Variants in EVL observed in about 807,000 individuals in gnomAD.
The protein encoded by EVL is ena/VASP-like protein.
A neutral mutation model predicts 59.6 loss-of-function variants in EVL; 21 were observed. The ratio of observed to expected loss-of-function variants is 0.35; its 90% CI spans 0.25 to 0.51. EVL has a LOEUF of 0.51. Among genes scored for constraint, EVL ranks in the 20% least tolerant of loss-of-function variants. The pLI, the probability that EVL is intolerant of heterozygous loss-of-function variation, is 0.97. For missense variants in EVL, 462 were observed against 546.6 expected, an observed-to-expected ratio of 0.85 and a Z score of 1.54; for synonymous variants, 198 against 203.5, an observed-to-expected ratio of 0.97 and a Z score of 0.23.
At chr14:100,067,483 C>T (rs1343927371) in intron 1 of EVL, among the ~76,000 whole-genome samples, 2 of 152,050 alleles carry the variant, frequency 1.3e-5, no homozygotes, top group Admixed American at 6.6e-5. Flanking sequence ...TGTTGTGGGG[C>T]GTTTTTGTTT....
chr14:100,065,037 G>A (rs927163907), upstream of EVL, among the ~76,000 whole-genome samples: 1 of 152,230 alleles, frequency 6.6e-6, no homozygotes, highest in Non-Finnish European at 1.5e-5. Context: ...GAAGTCATCT[G>A]TGCTGAGCCT....
At chr14:99,985,895 T>G (rs1301631245) in intron 1 of EVL, among the ~76,000 whole-genome samples, 7 of 152,154 alleles carry the variant, frequency 4.6e-5, no homozygotes, top group Non-Finnish European at 8.8e-5. Context: ...ATCTCTAACT[T>G]CGGCTTGAAT....
rs766351309 is a variant in EVL, at chr14:100,123,590, A to T, written c.410A>T (p.Asp137Val). 5.5e-5 allele frequency: 89 copies of T among 1,613,930 alleles called. No individual in the cohort carries two copies. The highest frequency in any genetic ancestry group is 7.2e-5 in the Non-Finnish European group (85 of 1,179,996). The change falls in exon 4 of 14, where the codon GAC becomes GTC. Residue 137 changes from aspartate to valine, a missense_variant. By Grantham distance (152) the Asp-to-Val change is radical (BLOSUM62 -3). Transcript: ENST00000392920. Reference sequence around the variant, plus strand: ...AATGGCCCCTCTCCTGATGAGATGGACATCCAGAGAAGGTAACCCAGCACC... The same window carrying T: ...AATGGCCCCTCTCCTGATGAGATGGTCATCCAGAGAAGGTAACCCAGCACC... ...VQNGPSPDEM[D>V]IQRRQVMEQH...
chr14:100,128,114 A>G (rs567858089), intron 5 of EVL, among the ~76,000 whole-genome samples: 1 of 152,344 alleles, frequency 6.6e-6, no homozygotes, highest in South Asian at 2.1e-4. Flanking sequence ...TGTCAGTCAC[A>G]GTTGGATCTT....
chr14:100,080,999 G>A (rs535840341), intron 1 of EVL, among the ~76,000 whole-genome samples: 8 of 152,192 alleles, frequency 5.3e-5, no homozygotes, highest in Non-Finnish European at 1.0e-4. Flanking sequence ...AGCTAGGCAC[G>A]GTGGCTCATG....
chr14:100,133,073 G>A (rs978784404), intron 8 of EVL, among the ~76,000 whole-genome samples: 4 of 152,226 alleles, frequency 2.6e-5, no homozygotes, highest in African/African-American at 4.8e-5. Context: ...CAGGAGCCCC[G>A]GGGAGCACAG....
intron 8 of EVL, among the ~76,000 whole-genome samples, chr14:100,133,155 G>A (rs996066742): frequency 6.6e-6 from 1 of 152,220 alleles, no homozygotes; most frequent in Non-Finnish European, 1.5e-5. Flanking sequence ...CAGAAGCCCA[G>A]AGAGGTTTTT....
At chr14:100,086,078 G>A (rs1251676263) in intron 2 of EVL, among the ~76,000 whole-genome samples, 1 of 152,166 alleles carries the variant, frequency 6.6e-6, no homozygotes, top group Non-Finnish European at 1.5e-5. Context: ...GCAGTGAGCC[G>A]AGATCGCACC....
At chr14:100,044,952 A>G (rs1208229877) in intron 1 of EVL, among the ~76,000 whole-genome samples, 1 of 152,180 alleles carries the variant, frequency 6.6e-6, no homozygotes, top group Non-Finnish European at 1.5e-5. Flanking sequence ...ACAGAGCAAG[A>G]CCCTATAAAA....
intron 6 of EVL, 94 bp downstream of exon 6, chr14:100,128,842 C>T: frequency 9.1e-7 from 1 of 1,095,954 alleles, no homozygotes; most frequent in Non-Finnish European, 1.3e-6. Context: ...CTGCGAGACA[C>T]AGCAAACTGC....
chr14:100,123,493 C>A, intron 3 of EVL, 46 bp from the exon 4 acceptor site: 1 of 1,604,018 alleles, frequency 6.2e-7, no homozygotes, highest in Non-Finnish European at 8.5e-7. Flanking sequence ...TTTGCTGGGG[C>A]CTTTCTTCCT....
In EVL at chr14:100,130,643, G is replaced by A. The variant is rs1305649903; in HGVS notation, c.839+959G>A. On this transcript the variant is annotated intron_variant, in intron 7 of 13. Transcript: ENST00000392920. The surrounding 1 kb of genome is among the most constrained non-coding windows in gnomAD (Gnocchi z 4.8). ...TCCTAGTTCCTCTCATTACCTTCCCGTGGCTCCATGAGGATGATGCGAGAT... is the reference window on the plus strand; with the variant it reads ...TCCTAGTTCCTCTCATTACCTTCCCATGGCTCCATGAGGATGATGCGAGAT... Among the ~76,000 whole-genome samples the A allele has an allele frequency of 6.6e-6, 1 of 152,188 alleles. No individual in the cohort carries two copies. Among genetic ancestry groups the A allele is most frequent in the Non-Finnish European group, 1.5e-5 (1 of 68,028 alleles).
chr14:99,992,338 T>A (rs777477537), intron 1 of EVL, among the ~76,000 whole-genome samples: 3 of 152,190 alleles, frequency 2.0e-5, no homozygotes, highest in Non-Finnish European at 4.4e-5. Flanking sequence ...CCCTTATATA[T>A]TCTGGATATT....
At chr14:100,051,798 TC>T (rs1224527865) in intron 1 of EVL, among the ~76,000 whole-genome samples, 3 of 152,198 alleles carry the variant, frequency 2.0e-5, no homozygotes, top group African/African-American at 4.8e-5. Context: ...GTTTCTAACT[TC>T]CGTGTATATT....
At position 100,143,696 on chromosome 14, in the gene EVL, C is replaced by G. The variant is rs764538487; in HGVS notation, c.1220-5C>G. 5 of 1,612,090 alleles carry G rather than the reference C, an allele frequency of 3.1e-6. No individual in the cohort carries two copies. The highest frequency in any genetic ancestry group is 1.7e-4 in the Middle Eastern group (1 of 6,048). ...GCACCTGAGCCGCCGCCACCTGTCCCGCAGCCATCAGGCAGGAGCTGAGTG... is the reference window on the plus strand; with the variant it reads ...GCACCTGAGCCGCCGCCACCTGTCCGGCAGCCATCAGGCAGGAGCTGAGTG... On this transcript the variant is annotated splice_polypyrimidine_tract_variant and splice_region_variant and intron_variant, in intron 13 of 13. Transcript: ENST00000392920.
At chr14:99,992,300 G>T (rs1030174448) in intron 1 of EVL, among the ~76,000 whole-genome samples, 1 of 151,832 alleles carries the variant, frequency 6.6e-6, no homozygotes, top group Non-Finnish European at 1.5e-5. Context: ...TAAATGGGTC[G>T]TTTTTTTCAT....
chr14:100,086,110 C>T (rs576389110), intron 2 of EVL, among the ~76,000 whole-genome samples: 21 of 152,306 alleles, frequency 1.4e-4, no homozygotes, highest in Non-Finnish European at 2.4e-4. Context: ...GCCTGGGCGA[C>T]GGAGCGAGAC....
At chr14:100,100,863 A>G (rs946291913) in intron 3 of EVL, among the ~76,000 whole-genome samples, 1 of 151,988 alleles carries the variant, frequency 6.6e-6, no homozygotes, top group African/African-American at 2.4e-5. Context: ...GCCGAGGACC[A>G]TGCAAAGATG....
At chr14:100,003,732 A>T (rs79867736) in intron 1 of EVL, among the ~76,000 whole-genome samples, 23 of 152,052 alleles carry the variant, frequency 1.5e-4, no homozygotes, top group Admixed American at 3.9e-4. Context: ...AACCTTAATT[A>T]AAAAAAAATT....
Sources: allele counts gnomAD v4.1 joint callset (sites outside exome capture counted in the v4.1 genomes callset), GRCh38; gene constraint gnomAD v4.1.1; non-coding constraint Gnocchi (gnomAD v3.1); transcripts MANE v1.5; gene names NCBI Gene and HGNC (gene_info 2026-07-23, HGNC 2026-07-21).